The following SGCZ variants were observed in gnomAD, a reference collection of about 807,000 sequenced individuals.
SGCZ encodes the protein sarcoglycan zeta, also known as zeta-sarcoglycan.
In SGCZ, 40 loss-of-function variants were observed where a neutral mutation model predicts 41.3. The observed-to-expected ratio is 0.97, with a 90% CI of 0.75 to 1.26. SGCZ has a LOEUF of 1.26. Ranked by LOEUF, SGCZ falls within the 50% of genes most tolerant of loss-of-function variation. The pLI, the probability that SGCZ is intolerant of heterozygous loss-of-function variation, is 0.00. For synonymous variants in SGCZ, 206 were observed against 137.5 expected, an observed-to-expected ratio of 1.50 and a Z score of -3.49; for missense variants, 552 against 369.8, an observed-to-expected ratio of 1.49 and a Z score of -4.04.
intron 1 of SGCZ, among the ~76,000 whole-genome samples, chr8:14,924,473 T>C (rs567999328): frequency 5.3e-5 from 8 of 152,252 alleles, no homozygotes; most frequent in African/African-American, 1.9e-4. Flanking sequence ...AATCCATTAA[T>C]AGGTTTTATA....
intron 1 of SGCZ, among the ~76,000 whole-genome samples, chr8:14,566,257 AG>A (rs1195318733): frequency 6.6e-6 from 1 of 152,244 alleles, no homozygotes; most frequent in Non-Finnish European, 1.5e-5. Flanking sequence ...ATTTTAAAAG[AG>A]AAAAAAGATA....
chr8:14,364,728 G>A (rs1211187428), intron 2 of SGCZ, among the ~76,000 whole-genome samples: 1 of 151,916 alleles, frequency 6.6e-6, no homozygotes, highest in Admixed American at 6.6e-5. Context: ...TCATTGGTTT[G>A]CATAAGTTCT....
At chr8:14,526,836 C>T (rs1802964242) in intron 2 of SGCZ, among the ~76,000 whole-genome samples, 1 of 152,040 alleles carries the variant, frequency 6.6e-6, no homozygotes, top group African/African-American at 2.4e-5. Flanking sequence ...ACCACATACA[C>T]AAAACTGAGC....
chr8:14,699,933 T>C (rs984143648), intron 1 of SGCZ, among the ~76,000 whole-genome samples: 1 of 151,968 alleles, frequency 6.6e-6, no homozygotes, highest in African/African-American at 2.4e-5. Context: ...AAAATCGTTA[T>C]TATTAAAAAG....
intron 1 of SGCZ, among the ~76,000 whole-genome samples, chr8:14,598,443 G>C (rs1408419333): frequency 6.6e-6 from 1 of 151,574 alleles, no homozygotes; most frequent in Non-Finnish European, 1.5e-5. Flanking sequence ...TTTTGTTTGT[G>C]TGTATATATA....
chr8:14,894,888 C>T (rs962359117), intron 1 of SGCZ, among the ~76,000 whole-genome samples: 6 of 152,030 alleles, frequency 3.9e-5, no homozygotes, highest in Admixed American at 1.3e-4. Flanking sequence ...AATTCAAATG[C>T]TACAGAATGA....
chr8:14,583,257 C>CA (rs1371648298), intron 1 of SGCZ, among the ~76,000 whole-genome samples: 1 of 151,260 alleles, frequency 6.6e-6, no homozygotes, highest in African/African-American at 2.4e-5. Flanking sequence ...CTCTGATGGC[C>CA]AGTGATGGTG....
chr8:14,275,379 A>G (rs1193086006), intron 3 of SGCZ, among the ~76,000 whole-genome samples: 1 of 152,112 alleles, frequency 6.6e-6, no homozygotes, highest in Non-Finnish European at 1.5e-5. Context: ...TCTCTTTGTA[A>G]TAATTCACGT....
At chr8:14,375,413 C>G (rs1199223725) in intron 2 of SGCZ, among the ~76,000 whole-genome samples, 2 of 152,052 alleles carry the variant, frequency 1.3e-5, no homozygotes, top group African/African-American at 2.4e-5. Context: ...ATCCCATGAT[C>G]AAGAACATAA....
At chr8:15,073,661 G>C (rs975964827) in intron 1 of SGCZ, among the ~76,000 whole-genome samples, 5 of 152,132 alleles carry the variant, frequency 3.3e-5, no homozygotes, top group African/African-American at 4.8e-5. Context: ...GAAGATCAAA[G>C]AATATGACCT....
At chr8:14,338,830 G>A (rs1213685419) in intron 2 of SGCZ, among the ~76,000 whole-genome samples, 2 of 152,046 alleles carry the variant, frequency 1.3e-5, no homozygotes, top group Non-Finnish European at 2.9e-5. Flanking sequence ...GTGTATGTAA[G>A]TGCCCTATGA....
At chr8:14,231,996 T>TTAA (rs1240153255) in intron 4 of SGCZ, among the ~76,000 whole-genome samples, 3 of 151,984 alleles carry the variant, frequency 2.0e-5, no homozygotes, top group Non-Finnish European at 2.9e-5. Context: ...TTACATAGTT[T>TTAA]TAAAAAGGAA....
Position 14,757,895 on chromosome 8 carries a change from C to G in SGCZ, c.40-202969G>C, listed in dbSNP as rs569288275. On this transcript the variant is annotated intron_variant, in intron 1 of 7. Transcript: ENST00000382080. ...TGCATAAGCAAAGACAATATACTGT[C>G]TTATACTAACGCCTTTAAATGTGTT... Among the ~76,000 whole-genome samples the G allele has an allele frequency of 4.6e-5, 7 of 152,208 alleles. No individual in the cohort carries two copies. In the South Asian group the frequency reaches 8.3e-4, roughly 18 times the overall value.
chr8:14,587,025 AT>A (rs1368101103), intron 1 of SGCZ, among the ~76,000 whole-genome samples: 1 of 143,472 alleles, frequency 7.0e-6, no homozygotes, highest in Non-Finnish European at 1.5e-5. Context: ...TGTTTCTTAC[AT>A]TAAAAAAAAA....
chr8:14,282,563 A>G (rs982182398), intron 3 of SGCZ, among the ~76,000 whole-genome samples: 8 of 152,022 alleles, frequency 5.3e-5, no homozygotes, highest in African/African-American at 1.4e-4. Flanking sequence ...CCTCGCACCT[A>G]AAACTGTTTA....
intron 2 of SGCZ, among the ~76,000 whole-genome samples, chr8:14,435,468 C>G (rs930011479): frequency 6.6e-6 from 1 of 152,060 alleles, no homozygotes; most frequent in Non-Finnish European, 1.5e-5. Context: ...TTTTTTCACT[C>G]CTGTTTGTTC....
intron 1 of SGCZ, among the ~76,000 whole-genome samples, chr8:14,609,807 G>A (rs1462887399): frequency 6.6e-6 from 1 of 152,016 alleles, no homozygotes; most frequent in Non-Finnish European, 1.5e-5. Context: ...TAGCACAATA[G>A]AGAAACTATT....
chr8:14,967,292 C>G (rs1004314962), intron 1 of SGCZ, among the ~76,000 whole-genome samples: 6 of 152,164 alleles, frequency 3.9e-5, no homozygotes, highest in African/African-American at 1.4e-4. Context: ...ACCCCAGTTT[C>G]AAGTGCAAAG....
chr8:14,822,465 T>C (rs1303087828), intron 1 of SGCZ, among the ~76,000 whole-genome samples: 4 of 152,130 alleles, frequency 2.6e-5, no homozygotes, highest in Non-Finnish European at 5.9e-5. Flanking sequence ...ACTGACATTA[T>C]TCACAGAAAC....
Sources: allele counts gnomAD v4.1 joint callset (sites outside exome capture counted in the v4.1 genomes callset), GRCh38; gene constraint gnomAD v4.1.1; transcripts MANE v1.5; gene names NCBI Gene and HGNC (gene_info 2026-07-23, HGNC 2026-07-21).